Variants in CTPS2 observed in about 807,000 individuals in gnomAD.
CTPS2 encodes CTP synthase II.
In CTPS2, 19 loss-of-function variants were observed where a neutral mutation model predicts 46.8. That is an observed-to-expected ratio of 0.41 (90% confidence interval 0.28 to 0.60). The LOEUF (loss-of-function observed/expected upper bound fraction) is 0.60, where lower values mean the gene tolerates loss of function less well. Ranked by LOEUF, CTPS2 falls within the 20% of genes least tolerant of loss-of-function variation. The pLI, the probability that CTPS2 is intolerant of heterozygous loss-of-function variation, is 0.35. For missense variants in CTPS2, 286 were observed against 447.6 expected (o/e 0.64, Z 3.26); for synonymous variants, 151 against 165.2 (o/e 0.91, Z 0.66).
intron 17 of CTPS2, among the ~76,000 whole-genome samples, chrX:16,608,572 TGACAGAGCCA>T (rs1222622038): frequency 8.9e-6 from 1 of 111,875 alleles, no homozygotes; most frequent in Non-Finnish European, 1.9e-5. Flanking sequence ...CCAGCCTGGG[TGACAGAGCCA>T]GACCTTATCT....
intron 1 of CTPS2, among the ~76,000 whole-genome samples, chrX:16,708,349 T>A (rs1406773174): frequency 9.0e-6 from 1 of 110,585 alleles, no homozygotes; most frequent in Non-Finnish European, 1.9e-5. Context: ...TGGGCCTACC[T>A]TTCTCTACAC....
rs975711602 is a variant in CTPS2, at chrX:16,691,445, T to C, written c.720+95A>G. The stretch of plus-strand genomic sequence containing the variant: ...CAGGGTTCCCCAGTGCTTGCATAAA[T>C]GCCGTGAAAAGTAATATGATCATTG... On this transcript the variant is annotated intron_variant, in intron 7 of 18. Coordinates refer to ENST00000359276, the MANE Select transcript of CTPS2 (RefSeq NM_175859.3). 2.2e-5 allele frequency: 16 copies of C among 724,768 alleles called. No homozygotes were observed. In the South Asian group the frequency reaches 3.4e-4, roughly 15 times the overall value. 59.7% of individuals were successfully genotyped at this position (724,768 alleles called of 1,213,427 possible). A position where few individuals can be genotyped will look rare whatever the true frequency, so the allele number is the denominator to read the frequency against.
At chrX:16,602,554 A>T (rs766024482) in intron 17 of CTPS2, among the ~76,000 whole-genome samples, 173 of 111,884 alleles carry the variant, frequency 1.5e-3, no homozygotes, top group Non-Finnish European at 2.9e-3. Flanking sequence ...AATAAGCTTT[A>T]ACATAGGGGG....
intron 14 of CTPS2, among the ~76,000 whole-genome samples, chrX:16,624,085 C>A (rs1284672493): frequency 9.1e-6 from 1 of 110,041 alleles, no homozygotes; most frequent in Non-Finnish European, 1.9e-5. Flanking sequence ...GCCACCGCGC[C>A]TGGCCCATCC....
chrX:16,596,255 T>C (rs1305866008), intron 17 of CTPS2, among the ~76,000 whole-genome samples: 11 of 109,637 alleles, frequency 1.0e-4, no homozygotes, highest in South Asian at 4.0e-4. Context: ...GTTAGTTACA[T>C]ATGTATACAT....
chrX:16,654,557 G>A (rs1046332363), intron 13 of CTPS2: 14 of 763,885 alleles, frequency 1.8e-5, no homozygotes, highest in Non-Finnish European at 2.5e-5. Context: ...GAGCGCCTGT[G>A]CTGTGGTCTT....
chrX:16,637,478 C>T (rs936568394), intron 14 of CTPS2, among the ~76,000 whole-genome samples: 7 of 112,601 alleles, frequency 6.2e-5, no homozygotes, highest in Non-Finnish European at 1.1e-4. Flanking sequence ...CACAGCCTCC[C>T]AAAGTGCTGG....
At position 16,695,803 on chromosome X, in the gene CTPS2, A is replaced by G. The variant is rs1482329778; in HGVS notation, c.439-2316T>C. On this transcript the variant is annotated intron_variant, in intron 4 of 18. Coordinates refer to ENST00000359276, the MANE Select transcript of CTPS2 (RefSeq NM_175859.3). ...CCTGACCTCGTGATCCACCCGCCTC[A>G]GCCTCCCAAAGTGCTGGGATTACAG... Among the ~76,000 whole-genome samples, 10 of 110,762 alleles carry G rather than the reference A, an allele frequency of 9.0e-5. No homozygotes were observed. In the Admixed American group the frequency reaches 9.7e-4, roughly 11 times the overall value.
chrX:16,693,610 G>A (rs987341869), intron 4 of CTPS2, 123 bp from the exon 5 acceptor site: 45 of 500,733 alleles, frequency 9.0e-5, no homozygotes, highest in Non-Finnish European at 2.8e-5. Flanking sequence ...GTTACACAGA[G>A]GTTTATAAAT....
intron 14 of CTPS2, among the ~76,000 whole-genome samples, chrX:16,635,767 T>G (rs1931713722): frequency 8.9e-6 from 1 of 112,517 alleles, no homozygotes; most frequent in African/African-American, 3.2e-5. Context: ...GTCACATTCT[T>G]ATCTCTGGCA....
At chrX:16,679,894 A>G (rs1922593695) in intron 9 of CTPS2, among the ~76,000 whole-genome samples, 1 of 111,541 alleles carries the variant, frequency 9.0e-6, no homozygotes, top group Non-Finnish European at 1.9e-5. Flanking sequence ...TTTGTAAGCC[A>G]CCTGGTCTAT....
In CTPS2 at chrX:16,663,945, C is replaced by A. The variant is rs886600148; in HGVS notation, c.1296+3569G>T. On this transcript the variant is annotated intron_variant, in intron 13 of 18. Coordinates refer to ENST00000359276, the MANE Select transcript of CTPS2 (RefSeq NM_175859.3). Reference sequence around the variant, plus strand: ...CTGCCTCCTGGGTTCACGCCATTCTCCTGCCTCAGCCTCCCGAGTAGCTGG... The same window carrying A: ...CTGCCTCCTGGGTTCACGCCATTCTACTGCCTCAGCCTCCCGAGTAGCTGG... Among the ~76,000 whole-genome samples, 8 of 111,143 alleles carry A rather than the reference C, an allele frequency of 7.2e-5. No individual in the cohort carries two copies. The Admixed American group carries it at 7.7e-4, about 11-fold the overall frequency.
chrX:16,701,504 A>G (rs762024221), intron 2 of CTPS2, among the ~76,000 whole-genome samples: 1 of 110,844 alleles, frequency 9.0e-6, no homozygotes, highest in South Asian at 3.8e-4. Flanking sequence ...GGTTGCATTG[A>G]GCCGAGATCT....
intron 13 of CTPS2, among the ~76,000 whole-genome samples, chrX:16,663,973 C>A (rs1933063167): frequency 9.0e-6 from 1 of 110,827 alleles, no homozygotes; most frequent in African/African-American, 3.3e-5. Context: ...GTAGCTGGGA[C>A]TACAGGCGCG....
intron 15 of CTPS2, 37 bp from the exon 16 acceptor site, chrX:16,617,283 TG>T: frequency 9.8e-7 from 1 of 1,017,638 alleles, no homozygotes; most frequent in Non-Finnish European, 1.4e-6. Flanking sequence ...TGGGCCACAG[TG>T]CAATACCAGC....
intron 16 of CTPS2, among the ~76,000 whole-genome samples, chrX:16,616,428 C>T (rs1464799006): frequency 9.0e-6 from 1 of 111,663 alleles, no homozygotes; most frequent in African/African-American, 3.3e-5. Context: ...GAGCCAGGTC[C>T]CTCAAGCAAC....
At chrX:16,678,123 T>C (rs1922432405) in intron 10 of CTPS2, among the ~76,000 whole-genome samples, 1 of 111,854 alleles carries the variant, frequency 8.9e-6, no homozygotes, top group African/African-American at 3.2e-5. Context: ...TCAACACACT[T>C]TCCCACAGTA....
chrX:16,685,026 G>C (rs1400658666), intron 8 of CTPS2, among the ~76,000 whole-genome samples: 1 of 111,145 alleles, frequency 9.0e-6, no homozygotes, highest in African/African-American at 3.3e-5. Flanking sequence ...AGGAGGCAGG[G>C]GTTGCAGTGA....
chrX:16,707,810 T>C (rs1489008780), intron 1 of CTPS2, among the ~76,000 whole-genome samples: 1 of 110,970 alleles, frequency 9.0e-6, no homozygotes, highest in African/African-American at 3.3e-5. Context: ...ATGTCTCTAC[T>C]AAAAATATAA....
Sources: allele counts gnomAD v4.1 joint callset (sites outside exome capture counted in the v4.1 genomes callset), GRCh38; gene constraint gnomAD v4.1.1; transcripts MANE v1.5; gene names NCBI Gene and HGNC (gene_info 2026-07-23, HGNC 2026-07-21).